RASSF5: variants seen among roughly 807,000 people sequenced by gnomAD.
RASSF5 encodes the protein Ras association domain family member 5, also known as ras association domain-containing protein 5.
Under a neutral mutation model 40.5 loss-of-function variants are expected in RASSF5, and 25 were observed. The observed-to-expected ratio is 0.62, with a 90% CI of 0.45 to 0.86. The LOEUF is 0.86. RASSF5 is among the 40% of genes least tolerant of loss of function. The probability of loss-of-function intolerance (pLI) is 0.00; values close to 1 mark genes in which losing one functional copy is unlikely to be tolerated. For synonymous variants in RASSF5, 246 were observed against 252.4 expected (o/e 0.97, Z 0.24); for missense variants, 521 against 572.8 (o/e 0.91, Z 0.92).
Position 206,588,399 on chromosome 1 carries a change from ATAAAT to A in RASSF5, c.*1424_*1428del, listed in dbSNP as rs1669216591. 1.3e-5 allele frequency: 2 copies of A among 152,366 alleles called. No individual in the cohort carries two copies. Among genetic ancestry groups the A allele is most frequent in the Non-Finnish European group, 1.5e-5 (1 of 68,040 alleles). 9.4% of individuals were successfully genotyped at this position (152,366 alleles called of 1,614,324 possible). A position where few individuals can be genotyped will look rare whatever the true frequency, so the allele number is the denominator to read the frequency against. On this transcript the variant is annotated 3_prime_UTR_variant, in exon 6 of 6. Transcript: ENST00000579436. ...CTTCTTGTTTAGGCTGAATCCTAAA[ATAAAT>A]TAGTCAAAAAATTCCAACAAGTAGC...
rs148046111 is a variant in RASSF5 at position 206,544,528 on chromosome 1, G to A, written c.579+6235G>A. 25 of 152,346 alleles carry A rather than the reference G, an allele frequency of 1.6e-4. No individual in the cohort carries two copies. The East Asian group carries it at 4.4e-3, about 27-fold the overall frequency. The allele number at this position is 152,346 out of a possible 1,614,324, so 9.4% of individuals were successfully genotyped here. A position where few individuals can be genotyped will look rare whatever the true frequency, so the allele number is the denominator to read the frequency against. On this transcript the variant is annotated intron_variant, in intron 2 of 5. Transcript: ENST00000579436. Reference sequence around the variant, plus strand: ...AGGACTCTCTGGCTTTGTGGTTTGGGTGGACATTTTTTGCTATAAGGTTTA... The same window carrying A: ...AGGACTCTCTGGCTTTGTGGTTTGGATGGACATTTTTTGCTATAAGGTTTA...
At chr1:206,529,494 A>C in intron 1 of RASSF5, 2 of 1,395,738 alleles carry the variant, frequency 1.4e-6, no homozygotes, top group East Asian at 2.3e-5. Flanking sequence ...AGTCCACAGG[A>C]AGACCTGCAC....
intron 1 of RASSF5, among the ~76,000 whole-genome samples, chr1:206,511,217 C>T (rs1194390567): frequency 1.3e-5 from 2 of 152,142 alleles, no homozygotes; most frequent in African/African-American, 4.8e-5. Context: ...GTCCTGTGAG[C>T]CCATGTGTGT....
intron 2 of RASSF5, among the ~76,000 whole-genome samples, chr1:206,551,843 G>A (rs1667850806): frequency 6.6e-6 from 1 of 152,250 alleles, no homozygotes; most frequent in African/African-American, 2.4e-5. Context: ...CAGTGCAATA[G>A]TTGTTCACAT....
intron 2 of RASSF5, among the ~76,000 whole-genome samples, chr1:206,551,780 G>A (rs991749523): frequency 2.6e-5 from 4 of 152,206 alleles, no homozygotes; most frequent in African/African-American, 7.2e-5. Flanking sequence ...TGACCCCCAG[G>A]TGGGCTAGGC....
At chr1:206,545,848 A>T (rs781862796) in intron 2 of RASSF5, among the ~76,000 whole-genome samples, 72 of 151,790 alleles carry the variant, frequency 4.7e-4, no homozygotes, top group Non-Finnish European at 8.5e-4. Context: ...CATTTCTTAT[A>T]GGCAGCAAAT....
intron 2 of RASSF5, 119 bp from the exon 3 acceptor site, chr1:206,583,150 C>T: frequency 1.5e-6 from 1 of 688,086 alleles, no homozygotes; most frequent in Non-Finnish European, 2.6e-6. Context: ...CAGTTAGTTC[C>T]ACTCTGCAGG....
intron 2 of RASSF5, chr1:206,557,386 C>A: frequency 7.3e-7 from 1 of 1,364,440 alleles, no homozygotes. Flanking sequence ...GCTCGCACCC[C>A]GCTGAAAGAA....
intron 2 of RASSF5, among the ~76,000 whole-genome samples, chr1:206,545,350 T>G (rs1440655795): frequency 7.3e-5 from 11 of 150,688 alleles, no homozygotes; most frequent in African/African-American, 2.2e-4. Flanking sequence ...CTTGTGTTTT[T>G]TTTTTTTTTT....
At chr1:206,565,325 T>C (rs1025512098) in intron 2 of RASSF5, among the ~76,000 whole-genome samples, 1 of 152,208 alleles carries the variant, frequency 6.6e-6, no homozygotes, top group Non-Finnish European at 1.5e-5. Context: ...TTTTCCCCTC[T>C]GTGTATCCTG....
intron 2 of RASSF5, among the ~76,000 whole-genome samples, chr1:206,548,102 A>G (rs1667742606): frequency 6.6e-6 from 1 of 152,018 alleles, no homozygotes; most frequent in Admixed American, 6.6e-5. Flanking sequence ...CCTCACTTGC[A>G]TTATTTCTAA....
At chr1:206,540,065 G>A (rs1157822128) in intron 2 of RASSF5, among the ~76,000 whole-genome samples, 3 of 152,154 alleles carry the variant, frequency 2.0e-5, no homozygotes, top group African/African-American at 7.2e-5. Context: ...ACATTTGTCT[G>A]GAGACATTTT....
At position 206,538,262 on chromosome 1, in the gene RASSF5, C is replaced by T; in HGVS notation, c.548C>T (p.Pro183Leu). Residue 183 changes from proline to leucine, a missense_variant, in exon 2 of 6, where the codon CCA becomes CTA. Physicochemically the swap from Pro to Leu is moderately conservative, Grantham distance 98. Coordinates refer to ENST00000579436, the MANE Select transcript of RASSF5 (RefSeq NM_182663.4). ...QEGLSRDRPSPESTLTVTFSQ... is the reference protein window; with the variant it reads ...QEGLSRDRPSLESTLTVTFSQ... ...GGTTTATCCCGGGACAGACCCTCTCCAGAAAGCACCCTCACCGTGACCTTC... is the reference window on the plus strand; with the variant it reads ...GGTTTATCCCGGGACAGACCCTCTCTAGAAAGCACCCTCACCGTGACCTTC... 6.2e-7 allele frequency: 1 copy of T among 1,614,072 alleles called. No individual in the cohort carries two copies. The highest frequency in any genetic ancestry group is 8.5e-7 in the Non-Finnish European group (1 of 1,180,030).
At chr1:206,530,816 G>A (rs1168469010) in intron 1 of RASSF5, among the ~76,000 whole-genome samples, 6 of 152,306 alleles carry the variant, frequency 3.9e-5, no homozygotes, top group South Asian at 2.1e-4. Context: ...TTGCTCATAG[G>A]GGAGCCATGG....
At position 206,588,137 on chromosome 1, in the gene RASSF5, G is replaced by T. The variant is rs1553408079; in HGVS notation, c.*1159G>T. 6.5e-6 allele frequency: 1 copy of T among 152,808 alleles called. No homozygotes were observed. The highest frequency in any genetic ancestry group is 2.4e-5 in the African/African-American group (1 of 41,466). The allele number at this position is 152,808 out of a possible 1,614,324, so 9.5% of individuals were successfully genotyped here. Reference sequence around the variant, plus strand: ...TCCCCGTCGACCTCAGTGCCTTTTTGTTTTCAGAGAGAAATAGGAGTAGGG... The same window carrying T: ...TCCCCGTCGACCTCAGTGCCTTTTTTTTTTCAGAGAGAAATAGGAGTAGGG... On this transcript the variant is annotated 3_prime_UTR_variant, in exon 6 of 6. Coordinates refer to ENST00000579436, the MANE Select transcript of RASSF5 (RefSeq NM_182663.4).
intron 2 of RASSF5, chr1:206,557,043 C>T: frequency 1.6e-6 from 1 of 616,466 alleles, no homozygotes; most frequent in Non-Finnish European, 2.0e-6. Context: ...CTTATATGAC[C>T]TGCAGTTCCC....
At chr1:206,523,193 ACTT>A (rs1553396370) in intron 1 of RASSF5, among the ~76,000 whole-genome samples, 1 of 150,840 alleles carries the variant, frequency 6.6e-6, no homozygotes, top group African/African-American at 2.4e-5. Context: ...AGTCCCAGCT[ACTT>A]GGGAGGCTGA....
Position 206,508,322 on chromosome 1 carries a change from C to CCACACA in RASSF5, c.457+291_457+296dup, listed in dbSNP as rs368124193. On this transcript the variant is annotated intron_variant, in intron 1 of 5. Coordinates refer to ENST00000579436, the MANE Select transcript of RASSF5 (RefSeq NM_182663.4). ...CCTGACAGGTGCGTGCCTTGGCCCT[C>CCACACA]CACACACACACACACACACACACAC... Among the ~76,000 whole-genome samples, 489 of 146,622 alleles carry CCACACA rather than the reference C, an allele frequency of 3.3e-3. 3 individuals are homozygous for CCACACA. Among genetic ancestry groups the CCACACA allele is most frequent in the East Asian group, 7.5e-3 (37 of 4,944 alleles).
At chr1:206,543,065 T>A (rs1312975911) in intron 2 of RASSF5, 1 of 151,848 alleles carries the variant, frequency 6.6e-6, no homozygotes. Context: ...TTAAAAACAT[T>A]GGCCAGGTGT....
Sources: gnomAD v4.1 joint callset for allele counts (sites outside exome capture counted in the v4.1 genomes callset) on GRCh38, gnomAD v4.1.1 for gene constraint, MANE v1.5 for transcripts, NCBI Gene and HGNC (gene_info 2026-07-23, HGNC 2026-07-21) for gene names.